LAMB1: variants seen among roughly 807,000 people sequenced by gnomAD.
LAMB1 encodes laminin subunit beta-1.
Under a neutral mutation model 222.3 loss-of-function variants are expected in LAMB1, and 121 were observed. The observed-to-expected ratio is 0.54, with a 90% CI of 0.47 to 0.63. The LOEUF (loss-of-function observed/expected upper bound fraction) is 0.63. Ranked by LOEUF, LAMB1 falls within the 30% of genes least tolerant of loss-of-function variation. The pLI, the probability that LAMB1 is intolerant of heterozygous loss-of-function variation, is 0.00. For synonymous variants in LAMB1, 794 were observed against 807.2 expected, an observed-to-expected ratio of 0.98 and a Z score of 0.28; for missense variants, 2,172 against 2,240.8, an observed-to-expected ratio of 0.97 and a Z score of 0.62.
chr7:107,923,932 C>A lies in LAMB1; in HGVS notation c.*19G>T. On this transcript the variant is annotated 3_prime_UTR_variant, in exon 34 of 34. Coordinates refer to ENST00000222399, the MANE Select transcript of LAMB1 (RefSeq NM_002291.3). ...GTTGTTTTACCTTGTTCACCTCAGC[C>A]ATTTTTTATTCTCCTCTGTTACAAG... 1.9e-6 allele frequency: 3 copies of A among 1,595,830 alleles called. No homozygotes were observed. The highest frequency in any genetic ancestry group is 2.6e-6 in the Non-Finnish European group (3 of 1,174,858).
chr7:107,937,384 T>G (rs2032873310), intron 25 of LAMB1, 107 bp from the exon 26 acceptor site: 3 of 822,704 alleles, frequency 3.6e-6, no homozygotes, highest in African/African-American at 3.4e-5. Flanking sequence ...TCAAACCAAT[T>G]CAGTAATTTG....
rs763881537 is a variant in LAMB1 at position 107,940,217 on chromosome 7, G to A, written c.3533C>T (p.Pro1178Leu). 4.3e-6 allele frequency: 7 copies of A among 1,614,164 alleles called. No individual in the cohort carries two copies. The East Asian group carries it at 1.3e-4, about 31-fold the overall frequency. Residue 1178 changes from proline (P) to leucine (L), a missense_variant, in exon 25 of 34, where the codon CCC becomes CTC. Physicochemically the swap from Pro to Leu is moderately conservative, Grantham distance 98 (BLOSUM62 -3). Transcript: ENST00000222399. ...GYSGVFPDCT[P>L]CHQCFALWDV... The stretch of plus-strand genomic sequence containing the variant: ...CCAGAGAGCAAAGCACTGGTGGCAG[G>A]GTGTGCAGTCAGGGAAGACCCCCGA...
rs1252456725 is a variant in LAMB1, at chr7:107,931,210, TAAG to T, written c.4537+143_4537+145del. The T allele has an allele frequency of 6.2e-5, 42 of 681,040 alleles. No homozygotes were observed. The East Asian group carries it at 6.2e-4, about 10-fold the overall frequency. The allele number at this position is 681,040 out of a possible 1,614,324, so 42.2% of individuals were successfully genotyped here. A position where few individuals can be genotyped will look rare whatever the true frequency, so the allele number is the denominator to read the frequency against. On this transcript the variant is annotated intron_variant, in intron 29 of 33. Transcript: ENST00000222399. ...GTTATTTGATACACATATATAAGTT[TAAG>T]AAGTGGAAACATTTAATATACGGAC...
intron 13 of LAMB1, among the ~76,000 whole-genome samples, chr7:107,966,943 G>A (rs1031728022): frequency 7.2e-5 from 11 of 152,216 alleles, no homozygotes; most frequent in Non-Finnish European, 1.3e-4. Context: ...GATAGGCATG[G>A]CTCTGATTCA....
chr7:107,954,377 C>T (rs1172986028), intron 21 of LAMB1, among the ~76,000 whole-genome samples: 1 of 150,504 alleles, frequency 6.6e-6, no homozygotes, highest in Non-Finnish European at 1.5e-5. Flanking sequence ...GCCATCTTGC[C>T]CACGCTGGTC....
At chr7:107,939,475 G>A (rs2032929664) in intron 25 of LAMB1, among the ~76,000 whole-genome samples, 1 of 152,140 alleles carries the variant, frequency 6.6e-6, no homozygotes, top group African/African-American at 2.4e-5. Flanking sequence ...TTGAGGTAAT[G>A]GAATTTCCCC....
intron 24 of LAMB1, among the ~76,000 whole-genome samples, chr7:107,944,355 G>A (rs969479098): frequency 2.6e-5 from 4 of 152,238 alleles, no homozygotes; most frequent in East Asian, 1.9e-4. Flanking sequence ...TTATCTGGCC[G>A]AGGGAAATTA....
chr7:107,940,762 G>A (rs1489657210), intron 24 of LAMB1, among the ~76,000 whole-genome samples: 1 of 152,156 alleles, frequency 6.6e-6, no homozygotes, highest in East Asian at 1.9e-4. Context: ...CAACTCCGGA[G>A]TCTATACTCT....
chr7:107,936,729 ATG>A (rs1252419891), intron 26 of LAMB1, among the ~76,000 whole-genome samples: 1 of 152,186 alleles, frequency 6.6e-6, no homozygotes. Flanking sequence ...GCATTCTTGA[ATG>A]TGAAAGGATT....
chr7:107,973,095 G>T (rs369748565), intron 12 of LAMB1, 24 bp from the exon 13 acceptor site: 553 of 1,588,498 alleles, frequency 3.5e-4, no homozygotes, highest in Non-Finnish European at 4.3e-4. Context: ...CGTGAAACAT[G>T]TAACGGTAGG....
At chr7:108,000,356 T>C (rs1161291065) in intron 3 of LAMB1, among the ~76,000 whole-genome samples, 1 of 152,228 alleles carries the variant, frequency 6.6e-6, no homozygotes, top group Non-Finnish European at 1.5e-5. Flanking sequence ...ATGGGCTTTC[T>C]GCTTTGTAAA....
chr7:108,000,780 G>A (rs1227994042), intron 3 of LAMB1, among the ~76,000 whole-genome samples: 1 of 152,178 alleles, frequency 6.6e-6, no homozygotes, highest in South Asian at 2.1e-4. Flanking sequence ...GGGCTCCAGT[G>A]ATCCTCCCAC....
At chr7:107,938,553 T>C (rs1308525475) in intron 25 of LAMB1, among the ~76,000 whole-genome samples, 1 of 152,186 alleles carries the variant, frequency 6.6e-6, no homozygotes, top group African/African-American at 2.4e-5. Context: ...ACAATCTGTC[T>C]AGTTAAATGA....
At chr7:107,939,900 T>G in intron 25 of LAMB1, 89 bp downstream of exon 25, 1 of 1,438,200 alleles carries the variant, frequency 7.0e-7, no homozygotes, top group Non-Finnish European at 9.5e-7. Context: ...AACCTCCTGA[T>G]GGAAGCACCA....
intron 20 of LAMB1, among the ~76,000 whole-genome samples, chr7:107,958,135 C>T (rs1303623617): frequency 2.0e-5 from 3 of 152,112 alleles, no homozygotes; most frequent in South Asian, 2.1e-4. Context: ...ATCTTTCTCT[C>T]GTACTTATTC....
chr7:107,978,052 C>A lies in LAMB1; in HGVS notation c.995G>T (p.Cys332Phe). ...RPAEGRNSNA[C>F]KKCNCNEHSI... ...TCCCTTCAACACAGACTTACTTTTA[C>A]AGGCGTTGCTGTTTCGGCCTTCAGC... The change falls in exon 9 of 34, where the codon TGT (cysteine) becomes TTT (phenylalanine). Residue 332 changes from cysteine (C) to phenylalanine (F), a missense_variant. Coordinates refer to ENST00000222399, the MANE Select transcript of LAMB1 (RefSeq NM_002291.3). The A allele has an allele frequency of 6.2e-7, 1 of 1,614,154 alleles. No homozygotes were observed. The highest frequency in any genetic ancestry group is 8.5e-7 in the Non-Finnish European group (1 of 1,180,024).
At chr7:107,937,683 A>C (rs2032879651) in intron 25 of LAMB1, among the ~76,000 whole-genome samples, 1 of 152,172 alleles carries the variant, frequency 6.6e-6, no homozygotes, top group South Asian at 2.1e-4. Context: ...CACAAGCCCA[A>C]AACATTCTTC....
chr7:107,998,483 T>G lies in LAMB1; in HGVS notation c.223A>C (p.Lys75Gln). The part of the protein sequence containing the change: ...CIVSHLQEDK[K>Q]CFICNSQDPY... ...TCTTGGGAATTGCATATGAAGCATT[T>G]TTTGTCCTCCTACAAACAAAGTTGA... is the stretch of plus-strand genomic sequence containing the variant. The change falls in exon 4 of 34, where the codon AAA becomes CAA. Residue 75 changes from lysine (K) to glutamine (Q), a missense_variant. Transcript: ENST00000222399. The G allele has an allele frequency of 6.2e-7, 1 of 1,613,588 alleles. No homozygotes were observed. Among genetic ancestry groups the G allele is most frequent in the Non-Finnish European group, 8.5e-7 (1 of 1,179,788 alleles).
intron 19 of LAMB1, 21 bp downstream of exon 19, chr7:107,959,656 GAATGAATGCATAAC>G: frequency 6.2e-7 from 1 of 1,614,226 alleles, no homozygotes; most frequent in Non-Finnish European, 8.5e-7. Context: ...GAGTTAATCT[GAATGAATGCATAAC>G]AATGCTTTTG....
Sources: gnomAD v4.1 joint callset for allele counts (sites outside exome capture counted in the v4.1 genomes callset) on GRCh38, gnomAD v4.1.1 for gene constraint, MANE v1.5 for transcripts, NCBI Gene and HGNC (gene_info 2026-07-23, HGNC 2026-07-21) for gene names.